The following MYO3B variants were observed in gnomAD, a reference collection of about 807,000 sequenced individuals.
The protein encoded by MYO3B is myosin-IIIb.
In MYO3B, 156 loss-of-function variants were observed where a neutral mutation model predicts 174.6. The ratio of observed to expected loss-of-function variants is 0.89; its 90% CI spans 0.78 to 1.02. The LOEUF is 1.02. Among genes scored for constraint, MYO3B ranks in the 50% least tolerant of loss-of-function variants. MYO3B has a pLI of 0.00. For synonymous variants in MYO3B, 563 were observed against 569.1 expected (o/e 0.99, Z 0.15); for missense variants, 1,632 against 1,639.4 (o/e 1.00, Z 0.08).
intron 10 of MYO3B, 23 bp from the exon 11 acceptor site, chr2:170,383,050 A>C (rs12471568): frequency 2.0e-5 from 28 of 1,422,956 alleles, no homozygotes; most frequent in Non-Finnish European, 2.5e-5. Flanking sequence ...TATTTACCTC[A>C]ATACCATTTA....
chr2:170,397,587 G>A (rs2094448684), intron 16 of MYO3B, among the ~76,000 whole-genome samples: 1 of 152,058 alleles, frequency 6.6e-6, no homozygotes, highest in South Asian at 2.1e-4. Flanking sequence ...TATAAAAATA[G>A]AGCTTAGATA....
chr2:170,499,010 T>C (rs2304606), intron 26 of MYO3B, among the ~76,000 whole-genome samples: 5,928 of 152,292 alleles, frequency 0.039, 289 homozygotes, highest in East Asian at 0.14. Context: ...AATACACAAA[T>C]CATATTAACG....
intron 7 of MYO3B, among the ~76,000 whole-genome samples, chr2:170,306,878 A>G (rs2093704175): frequency 1.3e-5 from 2 of 152,180 alleles, no homozygotes; most frequent in Admixed American, 6.5e-5. Flanking sequence ...GCATATTTGG[A>G]GACTCTAGTA....
chr2:170,457,679 C>G (rs1239872718), intron 23 of MYO3B, among the ~76,000 whole-genome samples: 1 of 152,180 alleles, frequency 6.6e-6, no homozygotes, highest in Non-Finnish European at 1.5e-5. Context: ...CCTAAAGGAC[C>G]TGCCTGAGGC....
intron 32 of MYO3B, among the ~76,000 whole-genome samples, chr2:170,591,677 T>C (rs567205745): frequency 6.6e-6 from 1 of 152,354 alleles, no homozygotes; most frequent in East Asian, 1.9e-4. Context: ...GATTATCTAT[T>C]CCAACCCTCT....
intron 32 of MYO3B, among the ~76,000 whole-genome samples, chr2:170,558,483 T>C (rs76838141): frequency 0.017 from 2,636 of 152,262 alleles, 62 homozygotes; most frequent in East Asian, 0.088. Flanking sequence ...CCTAAATATG[T>C]GTCTCTAAAT....
intron 9 of MYO3B, among the ~76,000 whole-genome samples, chr2:170,374,426 A>G (rs2094273403): frequency 6.6e-6 from 1 of 152,180 alleles, no homozygotes; most frequent in Admixed American, 6.5e-5. Flanking sequence ...AACTTTTGAT[A>G]GATAATTAGG....
At chr2:170,601,708 C>A in intron 32 of MYO3B, 1 of 1,536,946 alleles carries the variant, frequency 6.5e-7, no homozygotes, top group East Asian at 2.3e-5. Context: ...CTTGACAACT[C>A]CCTTTTTTGC....
intron 32 of MYO3B, among the ~76,000 whole-genome samples, chr2:170,556,911 G>C (rs1691344693): frequency 6.6e-6 from 1 of 152,136 alleles, no homozygotes; most frequent in African/African-American, 2.4e-5. Context: ...TCTTTTCACA[G>C]CTTATTTCTT....
chr2:170,514,787 G>A (rs1688201443), intron 28 of MYO3B, 134 bp from the exon 29 acceptor site: 2 of 645,766 alleles, frequency 3.1e-6, no homozygotes, highest in South Asian at 2.1e-5. Context: ...GTTCATAAGT[G>A]AGATTAGTCA....
At chr2:170,507,642 C>T (rs1362057696) in intron 28 of MYO3B, among the ~76,000 whole-genome samples, 1 of 152,166 alleles carries the variant, frequency 6.6e-6, no homozygotes, top group Non-Finnish European at 1.5e-5. Context: ...ATCCGCACGC[C>T]TCAGCCTCCC....
chr2:170,365,864 G>A (rs922056794), intron 8 of MYO3B, among the ~76,000 whole-genome samples: 1 of 152,078 alleles, frequency 6.6e-6, no homozygotes, highest in African/African-American at 2.4e-5. Flanking sequence ...AGTTGCACCT[G>A]AATATGTGTT....
chr2:170,355,031 G>A (rs13014734), intron 8 of MYO3B, among the ~76,000 whole-genome samples: 3 of 152,098 alleles, frequency 2.0e-5, no homozygotes, highest in Non-Finnish European at 2.9e-5. Flanking sequence ...TCCTTGGGTG[G>A]CCACTTCCTC....
chr2:170,545,117 C>T (rs1690394250), intron 32 of MYO3B, among the ~76,000 whole-genome samples: 1 of 152,022 alleles, frequency 6.6e-6, no homozygotes. Flanking sequence ...TCTATTTGTC[C>T]TATCTAGTTT....
At chr2:170,333,651 C>T (rs1347009146) in intron 7 of MYO3B, among the ~76,000 whole-genome samples, 3 of 152,056 alleles carry the variant, frequency 2.0e-5, no homozygotes, top group African/African-American at 7.2e-5. Flanking sequence ...ATCCTTGTGT[C>T]TTGGTACGTA....
At chr2:170,325,757 G>A (rs1454766871) in intron 7 of MYO3B, among the ~76,000 whole-genome samples, 2 of 152,090 alleles carry the variant, frequency 1.3e-5, no homozygotes, top group African/African-American at 4.8e-5. Context: ...CCTGACTGAG[G>A]TACCTGTGGT....
At position 170,431,549 on chromosome 2, in the gene MYO3B, A is replaced by G. The variant is rs920526339; in HGVS notation, c.2651-12418A>G. Among the ~76,000 whole-genome samples the G allele has an allele frequency of 5.3e-5, 8 of 152,360 alleles. No homozygotes were observed. The South Asian group carries it at 1.0e-3, about 20-fold the overall frequency. ...AGTTTATATTCTAAAGAAAAAAGTC[A>G]GTGAAAACATTGGTTTGGCTTTCTT... On this transcript the variant is annotated intron_variant, in intron 22 of 34. Coordinates refer to ENST00000408978, the MANE Select transcript of MYO3B (RefSeq NM_138995.5).
chr2:170,498,074 G>A (rs577367772), intron 25 of MYO3B, among the ~76,000 whole-genome samples: 9 of 151,822 alleles, frequency 5.9e-5, no homozygotes, highest in East Asian at 5.8e-4. Context: ...TGTGGTTTTC[G>A]TGATTATATC....
chr2:170,527,988 T>C (rs1367362253), intron 30 of MYO3B, among the ~76,000 whole-genome samples: 1 of 152,270 alleles, frequency 6.6e-6, no homozygotes, highest in Non-Finnish European at 1.5e-5. Context: ...CTTGAGTTTT[T>C]ATTTCTGTGA....
Sources: gnomAD v4.1 joint callset for allele counts (sites outside exome capture counted in the v4.1 genomes callset) on GRCh38, gnomAD v4.1.1 for gene constraint, MANE v1.5 for transcripts, NCBI Gene and HGNC (gene_info 2026-07-23, HGNC 2026-07-21) for gene names.